Variants in GHR observed in about 807,000 individuals in gnomAD.
GHR encodes GH receptor.
In GHR, 35 loss-of-function variants were observed where a neutral mutation model predicts 67.1. The observed-to-expected ratio is 0.52, with a 90% CI of 0.40 to 0.69. GHR has a LOEUF of 0.69. Ranked by LOEUF, GHR falls within the 30% of genes least tolerant of loss-of-function variation. GHR has a pLI of 0.00. For synonymous variants in GHR, 272 were observed against 269.1 expected (o/e 1.01, Z -0.10); for missense variants, 792 against 764.6 (o/e 1.04, Z -0.42).
At chr5:42,457,629 G>T (rs1224326681) in intron 1 of GHR, among the ~76,000 whole-genome samples, 1 of 152,068 alleles carries the variant, frequency 6.6e-6, no homozygotes, top group Non-Finnish European at 1.5e-5. Context: ...AACTGTTTTT[G>T]GTAAATTCCA....
chr5:42,460,571 C>A (rs1397550040), intron 1 of GHR, among the ~76,000 whole-genome samples: 1 of 152,144 alleles, frequency 6.6e-6, no homozygotes, highest in Non-Finnish European at 1.5e-5. Context: ...TTTGACGGTG[C>A]TTGTTCCTCT....
chr5:42,548,192 T>A, intron 1 of GHR: 1 of 983,854 alleles, frequency 1.0e-6, no homozygotes, highest in South Asian at 4.7e-5. Flanking sequence ...CTGATGTGAT[T>A]TAATTTACTC....
intron 2 of GHR, among the ~76,000 whole-genome samples, chr5:42,620,426 T>G (rs1580070216): frequency 6.6e-6 from 1 of 152,170 alleles, no homozygotes; most frequent in African/African-American, 2.4e-5. Context: ...ACCTTCAGAC[T>G]TCAAGCTTAT....
chr5:42,444,234 T>C (rs1172129467), intron 1 of GHR, among the ~76,000 whole-genome samples: 4 of 152,138 alleles, frequency 2.6e-5, no homozygotes, highest in Admixed American at 2.6e-4. Flanking sequence ...AATATGTATA[T>C]ATAAAGAGAG....
chr5:42,588,922 T>A (rs1310913651), intron 2 of GHR, among the ~76,000 whole-genome samples: 1 of 152,310 alleles, frequency 6.6e-6, no homozygotes, highest in East Asian at 1.9e-4. Context: ...CAGTAATGTA[T>A]TTTACTTACA....
intron 1 of GHR, among the ~76,000 whole-genome samples, chr5:42,516,908 T>C (rs916500749): frequency 1.3e-5 from 2 of 152,244 alleles, no homozygotes; most frequent in Non-Finnish European, 2.9e-5. Flanking sequence ...ACCTGATTGT[T>C]TGCACTTGAG....
Position 42,718,864 on chromosome 5 carries a change from A to G in GHR, c.1357A>G (p.Lys453Glu), listed in dbSNP as rs1438895756. The change falls in exon 10 of 10, where the codon AAA becomes GAA. Residue 453 changes from lysine (K) to glutamate (E), a missense_variant. Lys to Glu is a moderately conservative substitution (Grantham distance 56). Transcript: ENST00000230882. ...TQQPSVIQAE[K>E]NKPQPLPTEG... ...GCAGCCCAGTGTTATCCAAGCAGAG[A>G]AAAACAAACCACAACCACTTCCTAC... 2 of 1,614,154 alleles carry G rather than the reference A, an allele frequency of 1.2e-6. No individual in the cohort carries two copies. The highest frequency in any genetic ancestry group is 8.5e-7 in the Non-Finnish European group (1 of 1,180,020).
chr5:42,636,103 G>T (rs1482946549), intron 3 of GHR, among the ~76,000 whole-genome samples: 7 of 151,318 alleles, frequency 4.6e-5, no homozygotes, highest in Non-Finnish European at 1.0e-4. Context: ...CCAGCTACTT[G>T]GGAGGCTGAG....
chr5:42,568,965 T>C (rs760567697), intron 2 of GHR, among the ~76,000 whole-genome samples: 1 of 152,178 alleles, frequency 6.6e-6, no homozygotes, highest in Non-Finnish European at 1.5e-5. Flanking sequence ...ACACCAAGAA[T>C]TACAATATCA....
intron 5 of GHR, among the ~76,000 whole-genome samples, chr5:42,699,158 G>T (rs930254886): frequency 1.3e-5 from 2 of 152,194 alleles, no homozygotes; most frequent in Non-Finnish European, 2.9e-5. Flanking sequence ...CAAAGCTAGG[G>T]AGCATTAGCA....
chr5:42,528,501 G>A (rs557315737), intron 1 of GHR, among the ~76,000 whole-genome samples: 6 of 152,306 alleles, frequency 3.9e-5, no homozygotes, highest in Non-Finnish European at 7.3e-5. Context: ...AACTTGAACA[G>A]ATGAGGAATC....
At chr5:42,718,207 A>G (rs1758816960) in intron 9 of GHR, 86 bp downstream of exon 9, 1 of 794,510 alleles carries the variant, frequency 1.3e-6, no homozygotes, top group Non-Finnish European at 2.2e-6. Context: ...TCTGTAAGCT[A>G]TATATATCAC....
chr5:42,507,894 AT>A (rs1746844431), intron 1 of GHR, among the ~76,000 whole-genome samples: 1 of 152,206 alleles, frequency 6.6e-6, no homozygotes, highest in African/African-American at 2.4e-5. Context: ...GTAGGAAGTT[AT>A]CCAGCATTGA....
intron 2 of GHR, among the ~76,000 whole-genome samples, chr5:42,601,897 AACTT>A (rs1752393242): frequency 6.6e-6 from 1 of 152,108 alleles, no homozygotes; most frequent in African/African-American, 2.4e-5. Flanking sequence ...GTAATTCAAA[AACTT>A]TCTTTCTCTG....
intron 1 of GHR, among the ~76,000 whole-genome samples, chr5:42,477,524 C>G (rs1745393172): frequency 6.6e-6 from 1 of 152,190 alleles, no homozygotes; most frequent in Non-Finnish European, 1.5e-5. Flanking sequence ...TCCTATTTCT[C>G]CACATCCTCT....
intron 6 of GHR, among the ~76,000 whole-genome samples, chr5:42,705,947 T>C (rs1357220355): frequency 6.6e-6 from 1 of 152,156 alleles, no homozygotes; most frequent in East Asian, 1.9e-4. Context: ...AATTCTCTTT[T>C]AAGTTCTTTG....
intron 3 of GHR, among the ~76,000 whole-genome samples, chr5:42,660,062 G>A (rs1369538873): frequency 6.6e-6 from 1 of 152,218 alleles, no homozygotes. Flanking sequence ...GGGGAGGGGC[G>A]CCAGGCATTG....
chr5:42,456,113 A>G (rs926452575), intron 1 of GHR, among the ~76,000 whole-genome samples: 3 of 152,176 alleles, frequency 2.0e-5, no homozygotes, highest in African/African-American at 7.2e-5. Context: ...GAGATGGAGA[A>G]CATCCTGGCC....
chr5:42,478,296 A>G (rs1421181646), intron 1 of GHR, among the ~76,000 whole-genome samples: 2 of 152,146 alleles, frequency 1.3e-5, no homozygotes, highest in Non-Finnish European at 2.9e-5. Flanking sequence ...GCCTAGTAGT[A>G]TAGTTTGAAG....
Sources: allele counts gnomAD v4.1 joint callset (sites outside exome capture counted in the v4.1 genomes callset), GRCh38; gene constraint gnomAD v4.1.1; transcripts MANE v1.5; gene names NCBI Gene and HGNC (gene_info 2026-07-23, HGNC 2026-07-21).